The following VIPR2 variants were observed in gnomAD, a reference collection of about 807,000 sequenced individuals.
VIPR2 encodes the protein vasoactive intestinal polypeptide receptor 2.
In VIPR2, 48 loss-of-function variants were observed where a neutral mutation model predicts 58.0. That is an observed-to-expected ratio of 0.83 (90% CI 0.66 to 1.05). The LOEUF (loss-of-function observed/expected upper bound fraction) is 1.05. VIPR2 is among the 50% of genes least tolerant of loss of function. The pLI is 0.00. For synonymous variants in VIPR2, 243 were observed against 235.2 expected, an observed-to-expected ratio of 1.03 and a Z score of -0.30; for missense variants, 534 against 558.0, an observed-to-expected ratio of 0.96 and a Z score of 0.43.
intron 5 of VIPR2, among the ~76,000 whole-genome samples, chr7:159,050,791 CCAAG>C (rs1398533211): frequency 2.9e-5 from 2 of 69,814 alleles, no homozygotes; most frequent in Non-Finnish European, 7.8e-5. Context: ...TCTACAAACC[CCAAG>C]AAGGAGAAAT....
chr7:159,075,240 C>T (rs1856578740), intron 4 of VIPR2, among the ~76,000 whole-genome samples: 1 of 152,202 alleles, frequency 6.6e-6, no homozygotes, highest in South Asian at 2.1e-4. Context: ...CTACAGATGT[C>T]CATTTACCCA....
intron 4 of VIPR2, among the ~76,000 whole-genome samples, chr7:159,089,973 C>T (rs575248889): frequency 1.8e-4 from 28 of 152,206 alleles, no homozygotes; most frequent in Non-Finnish European, 3.8e-4. Context: ...AAAAGCAAGG[C>T]AGGCACCAAA....
At chr7:159,058,179 T>C (rs1563280770) in intron 5 of VIPR2, among the ~76,000 whole-genome samples, 1 of 152,246 alleles carries the variant, frequency 6.6e-6, no homozygotes, top group African/African-American at 2.4e-5. Flanking sequence ...AGCTTCTGGA[T>C]GGCAAGGGTG....
chr7:159,084,705 G>A (rs938268322), intron 4 of VIPR2, among the ~76,000 whole-genome samples: 1 of 152,230 alleles, frequency 6.6e-6, no homozygotes, highest in African/African-American at 2.4e-5. Flanking sequence ...CTGTTGGGGG[G>A]CCTCTGCCTG....
chr7:159,045,870 T>C (rs1355088720), intron 5 of VIPR2, among the ~76,000 whole-genome samples: 1 of 29,256 alleles, frequency 3.4e-5, no homozygotes, highest in African/African-American at 6.5e-5. Context: ...AAATTATATA[T>C]CTGATAAGGA....
At chr7:159,105,120 T>C (rs1384923935) in intron 3 of VIPR2, among the ~76,000 whole-genome samples, 2 of 152,214 alleles carry the variant, frequency 1.3e-5, no homozygotes, top group African/African-American at 4.8e-5. Context: ...TGTGTGTCCT[T>C]AGCAGATGGC....
In VIPR2 at chr7:159,096,516, G is replaced by A. The variant is rs962412695; in HGVS notation, c.357+7241C>T. ...TCCCATTAGGAGAATCTTCCCTAGCGGATTCCTTTAGAACTTAAAGAACTT... is the reference window on the plus strand; with the variant it reads ...TCCCATTAGGAGAATCTTCCCTAGCAGATTCCTTTAGAACTTAAAGAACTT... On this transcript the variant is annotated intron_variant, in intron 4 of 12. Transcript: ENST00000262178. This position sits in a 1 kb window ranked among gnomAD's most constrained non-coding sequence, Gnocchi z 5.5. Among the ~76,000 whole-genome samples the A allele has an allele frequency of 5.3e-5, 8 of 152,232 alleles. No homozygotes were observed. The highest frequency in any genetic ancestry group is 3.4e-3 in the Middle Eastern group (1 of 294).
Position 159,134,840 on chromosome 7 carries a change from G to GT in VIPR2, c.151+7605dup, listed in dbSNP as rs1472289468. Among the ~76,000 whole-genome samples the GT allele has an allele frequency of 2.8e-4, 42 of 151,756 alleles. 1 individual carries two copies. In the South Asian group the frequency reaches 4.6e-3, roughly 17 times the overall value. The stretch of plus-strand genomic sequence containing the variant: ...GCCCGGCTAATTTTTTGTATATTTA[G>GT]TAGAGACGGGGTCTCACCGTGTTAG... On this transcript the variant is annotated intron_variant, in intron 2 of 12. Transcript: ENST00000262178.
intron 4 of VIPR2, among the ~76,000 whole-genome samples, chr7:159,087,006 G>A (rs1464359347): frequency 6.6e-6 from 1 of 152,210 alleles, no homozygotes; most frequent in Non-Finnish European, 1.5e-5. Flanking sequence ...TCCCCATAGT[G>A]AGATACGTCT....
At chr7:159,135,004 GTTT>G (rs747914292) in intron 2 of VIPR2, among the ~76,000 whole-genome samples, 1 of 65,992 alleles carries the variant, frequency 1.5e-5, no homozygotes, top group Non-Finnish European at 2.8e-5. Context: ...AATTACAAAA[GTTT>G]TTTTTTTTTT....
At chr7:159,130,335 A>C (rs1404058655) in intron 2 of VIPR2, among the ~76,000 whole-genome samples, 1 of 152,232 alleles carries the variant, frequency 6.6e-6, no homozygotes, top group Non-Finnish European at 1.5e-5. Flanking sequence ...AATTCTGCTA[A>C]GGCACAGATA....
intron 4 of VIPR2, among the ~76,000 whole-genome samples, chr7:159,062,915 A>G (rs923533230): frequency 6.6e-6 from 1 of 152,196 alleles, no homozygotes; most frequent in African/African-American, 2.4e-5. Context: ...TGAGCCAGAC[A>G]CAAAAGTTCT....
At chr7:159,045,426 C>T (rs1037947180) in intron 5 of VIPR2, among the ~76,000 whole-genome samples, 5 of 152,184 alleles carry the variant, frequency 3.3e-5, no homozygotes, top group Non-Finnish European at 7.3e-5. Flanking sequence ...TAAACCTACA[C>T]ATCTAAGGCC....
chr7:159,117,754 T>C (rs1796294898), intron 2 of VIPR2, among the ~76,000 whole-genome samples: 1 of 152,192 alleles, frequency 6.6e-6, no homozygotes, highest in Non-Finnish European at 1.5e-5. Context: ...ACCCTGCTGC[T>C]GTCATCAGTG....
At position 159,122,451 on chromosome 7, in the gene VIPR2, G is replaced by A. The variant is rs369256848; in HGVS notation, c.152-12532C>T. ...GAGCCACTGCTCTCTTGCTTCTGCG[G>A]AGCTCACCTGGTCTCCCAGGAAGAG... On this transcript the variant is annotated intron_variant, in intron 2 of 12. Coordinates refer to ENST00000262178, the MANE Select transcript of VIPR2 (RefSeq NM_003382.5). Among the ~76,000 whole-genome samples the A allele has an allele frequency of 4.6e-4, 70 of 152,328 alleles. 4 individuals carry two copies. The South Asian group carries it at 0.014, about 30-fold the overall frequency.
rs146263787 is a variant in VIPR2 at position 159,119,469 on chromosome 7, G to C, written c.152-9550C>G. ...CTTGCTGTTCCCCCTGCACCTGTAG[G>C]AGCCCAGACGCAGATGCCCAGACCA... On this transcript the variant is annotated intron_variant, in intron 2 of 12. Coordinates refer to ENST00000262178, the MANE Select transcript of VIPR2 (RefSeq NM_003382.5). 2.3e-3 allele frequency among the ~76,000 whole-genome samples: 357 copies of C among 152,326 alleles called. 1 individual carries two copies. Among genetic ancestry groups the C allele is most frequent in the Non-Finnish European group, 3.8e-3 (256 of 68,028 alleles).
Position 159,101,065 on chromosome 7 carries a change from G to A in VIPR2, c.357+2692C>T, listed in dbSNP as rs556258159. Among the ~76,000 whole-genome samples, 881 of 142,870 alleles carry A rather than the reference G, an allele frequency of 6.2e-3. 11 individuals carry two copies. The highest frequency in any genetic ancestry group is 0.023 in the African/African-American group (824 of 35,090). 93.7% of individuals were successfully genotyped at this position (142,870 alleles called of 152,430 possible). ...CGAGATCCGACAAGGCCGTTCCCCC[G>A]ACTGTTCCTGTGGTAGTGAACGGGT... On this transcript the variant is annotated intron_variant, in intron 4 of 12. Transcript: ENST00000262178.
At chr7:159,055,354 T>A (rs1855252162) in intron 5 of VIPR2, among the ~76,000 whole-genome samples, 1 of 152,198 alleles carries the variant, frequency 6.6e-6, no homozygotes, top group Non-Finnish European at 1.5e-5. Context: ...GAGAGTTGTA[T>A]CCCACATCTC....
chr7:159,065,886 G>T (rs1856051016), intron 4 of VIPR2, among the ~76,000 whole-genome samples: 3 of 152,364 alleles, frequency 2.0e-5, no homozygotes, highest in Middle Eastern at 3.4e-3. Context: ...GGGAATGAAA[G>T]AAGCCACACA....
Sources: gnomAD v4.1 joint callset for allele counts (sites outside exome capture counted in the v4.1 genomes callset) on GRCh38, gnomAD v4.1.1 for gene constraint, Gnocchi (gnomAD v3.1) non-coding constraint, MANE v1.5 for transcripts, NCBI Gene and HGNC (gene_info 2026-07-23, HGNC 2026-07-21) for gene names.